The following MYO3B variants were observed in gnomAD, a reference collection of about 807,000 sequenced individuals.
MYO3B encodes myosin-IIIb.
In MYO3B, 156 loss-of-function variants were observed where a neutral mutation model predicts 174.6. That is an observed-to-expected ratio of 0.89 (90% CI 0.78 to 1.02). The LOEUF is 1.02. Ranked by LOEUF, MYO3B falls within the 50% of genes least tolerant of loss-of-function variation. The probability of loss-of-function intolerance (pLI) is 0.00; values close to 1 mark genes in which losing one functional copy is unlikely to be tolerated. For missense variants in MYO3B, 1,632 were observed against 1,639.4 expected, an observed-to-expected ratio of 1.00 and a Z score of 0.08; for synonymous variants, 563 against 569.1, an observed-to-expected ratio of 0.99 and a Z score of 0.15.
At chr2:170,574,597 A>T (rs1180918206) in intron 32 of MYO3B, among the ~76,000 whole-genome samples, 1 of 152,196 alleles carries the variant, frequency 6.6e-6, no homozygotes, top group Non-Finnish European at 1.5e-5. Context: ...TAACGCAAGG[A>T]TGAAATACTC....
In MYO3B at chr2:170,551,359, T is replaced by A. The variant is rs1040736858; in HGVS notation, c.3733+7371T>A. Among the ~76,000 whole-genome samples the A allele has an allele frequency of 1.4e-3, 196 of 139,046 alleles. 1 individual carries two copies. The highest frequency in any genetic ancestry group is 4.7e-3 in the African/African-American group (185 of 39,364). The allele number at this position is 139,046 out of a possible 152,430, so 91.2% of individuals were successfully genotyped here. A position where few individuals can be genotyped will look rare whatever the true frequency, so the allele number is the denominator to read the frequency against. On this transcript the variant is annotated intron_variant, in intron 32 of 34. Coordinates refer to ENST00000408978, the MANE Select transcript of MYO3B (RefSeq NM_138995.5). ...ATTTAATTTAATTTAATTATTTATT[T>A]ATTTATTTATTTATTTATTTATTTA...
intron 32 of MYO3B, among the ~76,000 whole-genome samples, chr2:170,549,221 C>G (rs182207041): frequency 6.6e-6 from 1 of 152,228 alleles, no homozygotes; most frequent in Admixed American, 6.5e-5. Flanking sequence ...TCTTTTATAC[C>G]TCACCTAAGA....
At chr2:170,476,386 A>C (rs1685323260) in intron 25 of MYO3B, among the ~76,000 whole-genome samples, 1 of 152,160 alleles carries the variant, frequency 6.6e-6, no homozygotes, top group Non-Finnish European at 1.5e-5. Context: ...TCTGTATCCC[A>C]AGCTCTTGTC....
Position 170,383,123 on chromosome 2 carries a change from C to T in MYO3B, c.1119C>T (p.Tyr373=). 1 of 1,613,294 alleles carries T rather than the reference C, an allele frequency of 6.2e-7. No homozygotes were observed. The highest frequency in any genetic ancestry group is 8.5e-7 in the Non-Finnish European group (1 of 1,179,444). ...LQKRYADLLI[Y]TYVGDILIAL... Reference sequence around the variant, plus strand: ...AACGTTATGCAGACTTGCTAATTTACACATATGTTGGAGACATCTTAATTG... The same window carrying T: ...AACGTTATGCAGACTTGCTAATTTATACATATGTTGGAGACATCTTAATTG... The change falls in exon 11 of 35, where the codon TAC becomes TAT. Residue 373 remains tyrosine, a synonymous_variant. Coordinates refer to ENST00000408978, the MANE Select transcript of MYO3B (RefSeq NM_138995.5).
At chr2:170,362,477 G>T (rs533410524) in intron 8 of MYO3B, among the ~76,000 whole-genome samples, 118 of 152,322 alleles carry the variant, frequency 7.7e-4, no homozygotes, top group Non-Finnish European at 1.5e-3. Flanking sequence ...TAGCCATGTG[G>T]TCTCTTGCTT....
At chr2:170,337,575 T>G (rs551599648) in intron 8 of MYO3B, among the ~76,000 whole-genome samples, 1 of 152,174 alleles carries the variant, frequency 6.6e-6, no homozygotes, top group Admixed American at 6.5e-5. Flanking sequence ...GAGATTGGAC[T>G]GTACACAACG....
At chr2:170,181,673 T>A (rs1012728004) in intron 1 of MYO3B, among the ~76,000 whole-genome samples, 3 of 152,200 alleles carry the variant, frequency 2.0e-5, no homozygotes, top group African/African-American at 7.2e-5. Flanking sequence ...TTTTTGTGAA[T>A]GCTTTTTCTG....
chr2:170,652,087 T>G, intron 33 of MYO3B, 21 bp from the exon 34 acceptor site: 2 of 1,605,666 alleles, frequency 1.2e-6, no homozygotes, highest in South Asian at 2.3e-5. Context: ...TTTGACTGTG[T>G]GTTCTTGGCC....
At chr2:170,539,046 G>A (rs1298427498) in intron 30 of MYO3B, among the ~76,000 whole-genome samples, 3 of 152,108 alleles carry the variant, frequency 2.0e-5, no homozygotes, top group Non-Finnish European at 4.4e-5. Flanking sequence ...TTTCCCAATT[G>A]TTCTAAGAAT....
intron 25 of MYO3B, among the ~76,000 whole-genome samples, chr2:170,496,716 C>T (rs930622746): frequency 6.6e-6 from 1 of 151,670 alleles, no homozygotes; most frequent in African/African-American, 2.4e-5. Flanking sequence ...GTGATCATGG[C>T]TCACTGCAGC....
chr2:170,615,783 C>A (rs964077231), intron 32 of MYO3B, among the ~76,000 whole-genome samples: 4 of 152,180 alleles, frequency 2.6e-5, no homozygotes, highest in Non-Finnish European at 5.9e-5. Flanking sequence ...AGGGGGTTCA[C>A]TGCCTTCCGG....
intron 30 of MYO3B, among the ~76,000 whole-genome samples, chr2:170,535,064 C>T (rs1328367138): frequency 6.6e-6 from 1 of 152,192 alleles, no homozygotes; most frequent in East Asian, 1.9e-4. Flanking sequence ...CTTTAACTTT[C>T]CTCTTTGGCA....
chr2:170,513,460 G>A (rs1688105489), intron 28 of MYO3B, among the ~76,000 whole-genome samples: 1 of 152,074 alleles, frequency 6.6e-6, no homozygotes, highest in Non-Finnish European at 1.5e-5. Context: ...TTCTCACTGA[G>A]TCTCTCTGTG....
At chr2:170,625,526 C>T (rs1394001350) in intron 32 of MYO3B, among the ~76,000 whole-genome samples, 2 of 152,062 alleles carry the variant, frequency 1.3e-5, no homozygotes, top group Admixed American at 6.6e-5. Context: ...ATTGATTTTT[C>T]AAAGGGTTTT....
chr2:170,407,104 A>C (rs1561394), intron 21 of MYO3B, among the ~76,000 whole-genome samples: 1,705 of 152,240 alleles, frequency 0.011, 21 homozygotes, highest in African/African-American at 0.037. Context: ...TGCTTTGCAC[A>C]TGGTATCTAA....
At chr2:170,538,191 A>T (rs1445604918) in intron 30 of MYO3B, among the ~76,000 whole-genome samples, 1 of 152,222 alleles carries the variant, frequency 6.6e-6, no homozygotes, top group African/African-American at 2.4e-5. Flanking sequence ...GATCAGATAC[A>T]TTCTCAAAGA....
At chr2:170,400,357 G>A (rs199788208) in intron 17 of MYO3B, 43 bp downstream of exon 17, 74 of 1,607,724 alleles carry the variant, frequency 4.6e-5, no homozygotes, top group African/African-American at 2.8e-4. Context: ...GCCAAAGCAC[G>A]TGCTTCTTTA....
At chr2:170,355,044 CA>C (rs2094109493) in intron 8 of MYO3B, among the ~76,000 whole-genome samples, 1 of 152,088 alleles carries the variant, frequency 6.6e-6, no homozygotes, top group Non-Finnish European at 1.5e-5. Flanking sequence ...ACTTCCTCTG[CA>C]AAAACCATCT....
chr2:170,368,988 A>G (rs1380828983), intron 8 of MYO3B, among the ~76,000 whole-genome samples: 2 of 152,218 alleles, frequency 1.3e-5, no homozygotes, highest in African/African-American at 4.8e-5. Flanking sequence ...TTGTGTTTTC[A>G]ACTTTGCTTA....
Sources: gnomAD v4.1 joint callset for allele counts (sites outside exome capture counted in the v4.1 genomes callset) on GRCh38, gnomAD v4.1.1 for gene constraint, MANE v1.5 for transcripts, NCBI Gene and HGNC (gene_info 2026-07-23, HGNC 2026-07-21) for gene names.